The following NAALADL2 variants were observed in gnomAD, a reference collection of about 807,000 sequenced individuals.
NAALADL2 encodes the protein N-acetylated alpha-linked acidic dipeptidase like 2.
Under a neutral mutation model 87.2 loss-of-function variants are expected in NAALADL2, and 76 were observed. The observed-to-expected ratio is 0.87, with a 90% CI of 0.72 to 1.05. The LOEUF is 1.05. Ranked by LOEUF, NAALADL2 falls within the 50% of genes least tolerant of loss-of-function variation. NAALADL2 has a pLI of 0.00. For missense variants in NAALADL2, 1,089 were observed against 945.8 expected, an observed-to-expected ratio of 1.15 and a Z score of -1.99; for synonymous variants, 354 against 331.0, an observed-to-expected ratio of 1.07 and a Z score of -0.75.
intron 1 of NAALADL2, among the ~76,000 whole-genome samples, chr3:174,873,241 ATTTATTTAT>A (rs1051125843): frequency 2.6e-5 from 3 of 115,160 alleles, no homozygotes; most frequent in Admixed American, 8.2e-5. Flanking sequence ...TTATTTATTT[ATTTATTTAT>A]TTATTTATTT....
chr3:175,217,528 G>C (rs887762327), intron 2 of NAALADL2, among the ~76,000 whole-genome samples: 8 of 152,296 alleles, frequency 5.3e-5, no homozygotes, highest in African/African-American at 1.9e-4. Flanking sequence ...AAAATAGTCT[G>C]CCGGGCATCC....
chr3:175,634,301 G>T (rs6774397), intron 11 of NAALADL2, among the ~76,000 whole-genome samples: 38,853 of 151,306 alleles, frequency 0.26, 5,572 homozygotes, highest in African/African-American at 0.4. Context: ...TACATGACTT[G>T]CAAAATATAA....
At chr3:175,234,349 G>T (rs942905598) in intron 3 of NAALADL2, 145 bp downstream of exon 3, 10 of 862,320 alleles carry the variant, frequency 1.2e-5, no homozygotes, top group African/African-American at 1.7e-5. Flanking sequence ...GGAAAGAGAA[G>T]GAAGATGTGG....
At position 175,734,030 on chromosome 3, in the gene NAALADL2, G is replaced by T. The variant is rs186841520; in HGVS notation, c.1897-3276G>T. Among the ~76,000 whole-genome samples the T allele has an allele frequency of 5.6e-4, 85 of 152,300 alleles. 2 individuals carry two copies. Among genetic ancestry groups the T allele is most frequent in the Admixed American group, 5.6e-3 (85 of 15,308 alleles). ...TTTTACCGGCTGGTGTTGAGCATCT[G>T]TGGCTTTTTCAGGTATGCAGTGCAA... On this transcript the variant is annotated intron_variant, in intron 11 of 13. Transcript: ENST00000454872.
rs576162612 is a variant in NAALADL2, at chr3:175,221,148, G to A, written c.546-12783G>A. The stretch of plus-strand genomic sequence containing the variant: ...CAGGAGGCAGAGGTTGCAGTGAGCC[G>A]AGATTGTGCCATTGCACTCTAGCCT... On this transcript the variant is annotated intron_variant, in intron 2 of 13. Transcript: ENST00000454872. 1.1e-4 allele frequency among the ~76,000 whole-genome samples: 17 copies of A among 149,564 alleles called. No individual in the cohort carries two copies. The South Asian group carries it at 2.5e-3, about 22-fold the overall frequency.
In NAALADL2 at chr3:175,399,074, C is replaced by G. The variant is rs550132062; in HGVS notation, c.1091-48155C>G. 2.6e-5 allele frequency among the ~76,000 whole-genome samples: 4 copies of G among 151,662 alleles called. No individual in the cohort carries two copies. In the South Asian group the frequency reaches 8.4e-4, roughly 32 times the overall value. ...AATAAAAAATAAAAAAAAGAGAATACTTTTTTTTAACCTAGGTACTTTCTT... is the reference window on the plus strand; with the variant it reads ...AATAAAAAATAAAAAAAAGAGAATAGTTTTTTTTAACCTAGGTACTTTCTT... On this transcript the variant is annotated intron_variant, in intron 5 of 13. Transcript: ENST00000454872.
chr3:175,589,266 G>T (rs1582523628), intron 10 of NAALADL2, among the ~76,000 whole-genome samples: 1 of 152,140 alleles, frequency 6.6e-6, no homozygotes, highest in South Asian at 2.1e-4. Context: ...TATTATACCA[G>T]AAAGCTAAAT....
chr3:175,006,356 T>C lies in NAALADL2; in HGVS notation c.44-90434T>C, dbSNP rs578044485. Among the ~76,000 whole-genome samples the C allele has an allele frequency of 3.9e-4, 60 of 152,328 alleles. No individual in the cohort carries two copies. In the East Asian group the frequency reaches 0.011, roughly 28 times the overall value. On this transcript the variant is annotated intron_variant, in intron 1 of 13. Transcript: ENST00000454872. Reference sequence around the variant, plus strand: ...TTTCTATATACTATACTTTCCTTAATGCAGCCAATATATTTTATATGTCTT... The same window carrying C: ...TTTCTATATACTATACTTTCCTTAACGCAGCCAATATATTTTATATGTCTT...
intron 1 of NAALADL2, chr3:174,513,421 T>A (rs1719737173): frequency 6.6e-6 from 1 of 152,230 alleles, no homozygotes; most frequent in Non-Finnish European, 1.5e-5. Flanking sequence ...TATCAATATT[T>A]AAATTATAGT....
chr3:175,305,713 G>T (rs994947529), intron 4 of NAALADL2, among the ~76,000 whole-genome samples: 4 of 151,902 alleles, frequency 2.6e-5, no homozygotes, highest in African/African-American at 9.7e-5. Context: ...GTAGAGACAG[G>T]GTTTCTCCAT....
intron 13 of NAALADL2, among the ~76,000 whole-genome samples, chr3:175,792,622 CTA>C (rs764798117): frequency 1.6e-4 from 24 of 152,210 alleles, no homozygotes; most frequent in Middle Eastern, 3.4e-3. Flanking sequence ...AAGAGAATGT[CTA>C]TGTGTTTTTC....
intron 1 of NAALADL2, among the ~76,000 whole-genome samples, chr3:175,011,672 G>A (rs1024997693): frequency 1.3e-5 from 2 of 152,110 alleles, no homozygotes; most frequent in African/African-American, 4.8e-5. Context: ...TGAGTTGGCT[G>A]GATGGTAGTT....
In NAALADL2 at chr3:175,161,854, T is replaced by G. The variant is rs544086067; in HGVS notation, c.545+64563T>G. ...CAATCAATTATTGCAGTCATTCTGA[T>G]GGTGTCTGTATACATGCTGGTAATA... is the stretch of plus-strand genomic sequence containing the variant. On this transcript the variant is annotated intron_variant, in intron 2 of 13. Transcript: ENST00000454872. Among the ~76,000 whole-genome samples, 33 of 152,296 alleles carry G rather than the reference T, an allele frequency of 2.2e-4. No individual in the cohort carries two copies. The South Asian group carries it at 6.2e-3, about 29-fold the overall frequency.
intron 1 of NAALADL2, among the ~76,000 whole-genome samples, chr3:175,062,932 T>C (rs1713813800): frequency 6.6e-6 from 1 of 152,146 alleles, no homozygotes; most frequent in Non-Finnish European, 1.5e-5. Flanking sequence ...TATAAATATA[T>C]CTCTGGAGAA....
intron 5 of NAALADL2, among the ~76,000 whole-genome samples, chr3:175,382,318 G>A (rs2148989323): frequency 6.6e-6 from 1 of 152,104 alleles, no homozygotes; most frequent in African/African-American, 2.4e-5. Context: ...CATGCCTGGT[G>A]GTCTGAGGCA....
At chr3:175,654,967 T>A (rs1731254394) in intron 11 of NAALADL2, among the ~76,000 whole-genome samples, 1 of 151,370 alleles carries the variant, frequency 6.6e-6, no homozygotes, top group Admixed American at 6.6e-5. Context: ...ATTGGAGAGA[T>A]GAATTGTTTA....
chr3:175,166,357 A>G (rs746286887), intron 2 of NAALADL2, among the ~76,000 whole-genome samples: 1 of 151,682 alleles, frequency 6.6e-6, no homozygotes, highest in Non-Finnish European at 1.5e-5. Context: ...CTCTCTCTCC[A>G]TTTCTTCCCA....
intron 2 of NAALADL2, among the ~76,000 whole-genome samples, chr3:175,122,281 C>G (rs9876458): frequency 0.6 from 91,736 of 151,666 alleles, 28,270 homozygotes; most frequent in African/African-American, 0.73. Context: ...TATGTGTTGG[C>G]TTTATTTATG....
chr3:175,377,943 G>T (rs764393534), intron 5 of NAALADL2, among the ~76,000 whole-genome samples: 1 of 151,522 alleles, frequency 6.6e-6, no homozygotes, highest in Non-Finnish European at 1.5e-5. Context: ...AATAAACCCC[G>T]CCCCCTGCAT....
Sources: allele counts gnomAD v4.1 joint callset (sites outside exome capture counted in the v4.1 genomes callset), GRCh38; gene constraint gnomAD v4.1.1; transcripts MANE v1.5; gene names NCBI Gene and HGNC (gene_info 2026-07-23, HGNC 2026-07-21).